The following TENM3 variants were observed in gnomAD, a reference collection of about 807,000 sequenced individuals.
TENM3 encodes the protein teneurin-3.
TENM3 carries 63 observed loss-of-function variants against 255.1 expected under a neutral mutation model. That is an observed-to-expected ratio of 0.25 (90% CI 0.20 to 0.30). The LOEUF (loss-of-function observed/expected upper bound fraction) is 0.30. Among genes scored for constraint, TENM3 ranks in the 10% least tolerant of loss-of-function variants. TENM3 has a pLI of 1.00. For missense variants in TENM3, 2,929 were observed against 3,461.1 expected (o/e 0.85, Z 3.86); for synonymous variants, 1,306 against 1,322.3 (o/e 0.99, Z 0.27).
chr4:181,665,719 C>A, the TENM3 span, among the ~76,000 whole-genome samples: 3 of 151,946 alleles, frequency 2.0e-5, no homozygotes, highest in Non-Finnish European at 2.9e-5. Flanking sequence ...TGCATAGAGA[C>A]ATAAAAATCT....
At chr4:182,647,917 A>G (rs773546841) in intron 5 of TENM3, among the ~76,000 whole-genome samples, 2 of 152,176 alleles carry the variant, frequency 1.3e-5, no homozygotes, top group Non-Finnish European at 2.9e-5. Context: ...AACAAAAATC[A>G]ATTTGGGAGG....
chr4:182,212,103 C>T (rs921937237), intron 1 of TENM3, among the ~76,000 whole-genome samples: 7 of 152,290 alleles, frequency 4.6e-5, no homozygotes, highest in Non-Finnish European at 7.4e-5. Flanking sequence ...AAAAAATTCT[C>T]GCCATGGTTT....
intron 4 of TENM3, among the ~76,000 whole-genome samples, chr4:182,626,614 TCAGA>T (rs145805528): frequency 0.01 from 1,565 of 152,304 alleles, 30 homozygotes; most frequent in African/African-American, 0.035. Flanking sequence ...GGCTTTGAAC[TCAGA>T]CAGTGTTGTT....
chr4:181,626,552 G>A, the TENM3 span, among the ~76,000 whole-genome samples: 1 of 151,922 alleles, frequency 6.6e-6, no homozygotes, highest in Non-Finnish European at 1.5e-5. Context: ...TACATTGTGA[G>A]AGCACAGCAA....
the TENM3 span, among the ~76,000 whole-genome samples, chr4:181,880,007 A>G: frequency 6.6e-6 from 1 of 152,180 alleles, no homozygotes; most frequent in Non-Finnish European, 1.5e-5. Context: ...GATGGGATAA[A>G]TATTATGGGA....
chr4:181,827,383 T>C, the TENM3 span, among the ~76,000 whole-genome samples: 1 of 152,338 alleles, frequency 6.6e-6, no homozygotes, highest in South Asian at 2.1e-4. Flanking sequence ...TCTGTTCTTA[T>C]CTGCAAACAG....
the TENM3 span, among the ~76,000 whole-genome samples, chr4:181,537,707 C>T: frequency 6.6e-6 from 1 of 152,142 alleles, no homozygotes; most frequent in Non-Finnish European, 1.5e-5. Context: ...ATAAGCTAAG[C>T]AATTCCTCAA....
chr4:181,775,162 C>G, the TENM3 span, among the ~76,000 whole-genome samples: 6 of 152,200 alleles, frequency 3.9e-5, no homozygotes, highest in African/African-American at 1.4e-4. Context: ...CATACAGGGC[C>G]GTGACTCTCC....
chr4:182,082,651 C>A, the TENM3 span, among the ~76,000 whole-genome samples: 1 of 152,160 alleles, frequency 6.6e-6, no homozygotes, highest in Non-Finnish European at 1.5e-5. Flanking sequence ...GAGCTGCTAC[C>A]TTCCTATTGT....
At chr4:182,655,008 G>T (rs1470356543) in intron 6 of TENM3, among the ~76,000 whole-genome samples, 1 of 152,188 alleles carries the variant, frequency 6.6e-6, no homozygotes, top group Non-Finnish European at 1.5e-5. Flanking sequence ...CAGAAGAACT[G>T]TAAGCTGGTG....
At chr4:181,529,892 C>T in the TENM3 span, among the ~76,000 whole-genome samples, 1 of 152,278 alleles carries the variant, frequency 6.6e-6, no homozygotes, top group African/African-American at 2.4e-5. Flanking sequence ...ATCCCTTGCT[C>T]TAAAATACAA....
At chr4:182,574,383 C>A (rs996078788) in intron 3 of TENM3, among the ~76,000 whole-genome samples, 4 of 152,036 alleles carry the variant, frequency 2.6e-5, no homozygotes, top group Admixed American at 1.3e-4. Flanking sequence ...GGATTGCTGT[C>A]ATTTGGTATG....
the TENM3 span, among the ~76,000 whole-genome samples, chr4:181,512,061 C>T: frequency 6.6e-6 from 1 of 152,140 alleles, no homozygotes; most frequent in Admixed American, 6.5e-5. Flanking sequence ...TCCACAATCT[C>T]ATCCCTGCTT....
the TENM3 span, among the ~76,000 whole-genome samples, chr4:181,488,459 G>C: frequency 6.6e-6 from 1 of 152,232 alleles, no homozygotes; most frequent in Middle Eastern, 3.4e-3. Context: ...TCTCTGGAAA[G>C]ATTCGTTTTT....
At chr4:182,067,031 A>T in the TENM3 span, among the ~76,000 whole-genome samples, 1 of 152,116 alleles carries the variant, frequency 6.6e-6, no homozygotes, top group East Asian at 1.9e-4. Context: ...TACTGTGGAT[A>T]CCTCTGTTCT....
At chr4:181,548,282 T>A in the TENM3 span, among the ~76,000 whole-genome samples, 3 of 152,238 alleles carry the variant, frequency 2.0e-5, no homozygotes, top group East Asian at 1.9e-4. Flanking sequence ...AACTAGAAAT[T>A]CCATTTGACC....
chr4:182,249,830 T>A (rs1455226161), intron 1 of TENM3, among the ~76,000 whole-genome samples: 1 of 152,088 alleles, frequency 6.6e-6, no homozygotes, highest in Non-Finnish European at 1.5e-5. Context: ...AGTGGTTCAG[T>A]CATAGCTGAT....
intron 3 of TENM3, among the ~76,000 whole-genome samples, chr4:182,368,955 C>T (rs1253617303): frequency 6.6e-6 from 1 of 152,172 alleles, no homozygotes; most frequent in Non-Finnish European, 1.5e-5. Context: ...TTACTCCAAC[C>T]AATGCTGGTT....
chr4:181,607,486 C>T, the TENM3 span, among the ~76,000 whole-genome samples: 2,205 of 151,664 alleles, frequency 0.015, 30 homozygotes, highest in South Asian at 0.049. Flanking sequence ...ACGATCTCGG[C>T]TCACTGCAAC....
Sources: allele counts gnomAD v4.1 joint callset (sites outside exome capture counted in the v4.1 genomes callset), GRCh38; gene constraint gnomAD v4.1.1; transcripts MANE v1.5; gene names NCBI Gene and HGNC (gene_info 2026-07-23, HGNC 2026-07-21).